Variants in ZNF169 observed in about 807,000 individuals in gnomAD.
ZNF169 encodes zinc finger protein 169.
Under a neutral mutation model 12.0 loss-of-function variants are expected in ZNF169, and 11 were observed. The ratio of observed to expected loss-of-function variants is 0.92; its 90% confidence interval spans 0.58 to 1.52. The LOEUF is 1.52. Among genes scored for constraint, ZNF169 ranks in the 40% most tolerant of loss-of-function variants. ZNF169 has a pLI of 0.00. For missense variants in ZNF169, 722 were observed against 744.0 expected (o/e 0.97, Z 0.34); for synonymous variants, 302 against 286.5 (o/e 1.05, Z -0.55).
intron 1 of ZNF169, among the ~76,000 whole-genome samples, chr9:94,272,629 A>G (rs1830443016): frequency 6.6e-6 from 1 of 152,138 alleles, no homozygotes; most frequent in Non-Finnish European, 1.5e-5. Context: ...TTCCTTTTAA[A>G]GTCTGAATAA....
intron 2 of ZNF169, chr9:94,288,218 A>G (rs1356559356): frequency 2.4e-6 from 2 of 817,274 alleles, no homozygotes; most frequent in African/African-American, 1.7e-5. Flanking sequence ...TGATTTTAGC[A>G]TTTTTTTCCC....
chr9:94,286,525 G>A (rs983449414), intron 2 of ZNF169, among the ~76,000 whole-genome samples: 1 of 151,956 alleles, frequency 6.6e-6, no homozygotes, highest in Non-Finnish European at 1.5e-5. Context: ...TCAGGGCGGT[G>A]GATTTTTGAG....
At chr9:94,283,581 T>C (rs183206648) in intron 2 of ZNF169, among the ~76,000 whole-genome samples, 1 of 152,278 alleles carries the variant, frequency 6.6e-6, no homozygotes, top group East Asian at 1.9e-4. Flanking sequence ...GAGAGTACTA[T>C]AGCATTTCAG....
intron 1 of ZNF169, among the ~76,000 whole-genome samples, chr9:94,260,840 A>C (rs1161506029): frequency 2.1e-5 from 1 of 46,666 alleles, no homozygotes; most frequent in Non-Finnish European, 5.2e-5. Context: ...TTTTTTTTTG[A>C]GATGAAGTCT....
intron 4 of ZNF169, chr9:94,294,523 A>C (rs1486542812): frequency 6.6e-6 from 1 of 152,148 alleles, no homozygotes; most frequent in African/African-American, 2.4e-5. Flanking sequence ...AAGTTATGCC[A>C]ACTTGTGTTC....
intron 1 of ZNF169, among the ~76,000 whole-genome samples, chr9:94,270,839 A>G (rs1254707644): frequency 4.2e-4 from 4 of 9,554 alleles, no homozygotes; most frequent in Non-Finnish European, 1.6e-3. Flanking sequence ...AAATATATAT[A>G]TTATATTATA....
In ZNF169 at chr9:94,299,827, A is replaced by T; in HGVS notation, c.269A>T (p.Glu90Val). ...LLDLCPEPRT[E>V]FQPSFPHLVA... ...TTCTCTCTAGCAGAGCCTAGAACAGAATTCCAGCCAAGTTTTCCCCACCTG... is the reference window on the plus strand; with the variant it reads ...TTCTCTCTAGCAGAGCCTAGAACAGTATTCCAGCCAAGTTTTCCCCACCTG... The change falls in exon 5 of 5, where the codon GAA becomes GTA. Residue 90 changes from glutamate to valine, a missense_variant. Transcript: ENST00000395395. The T allele has an allele frequency of 1.2e-6, 2 of 1,613,216 alleles. No individual in the cohort carries two copies. The highest frequency in any genetic ancestry group is 1.7e-6 in the Non-Finnish European group (2 of 1,179,548).
At chr9:94,272,164 T>A (rs1184889750) in intron 1 of ZNF169, among the ~76,000 whole-genome samples, 1 of 152,156 alleles carries the variant, frequency 6.6e-6, no homozygotes, top group Non-Finnish European at 1.5e-5. Flanking sequence ...TAACAATGTT[T>A]CCTCTTTCAT....
chr9:94,280,816 G>A (rs1393038555), intron 2 of ZNF169, among the ~76,000 whole-genome samples: 4 of 152,096 alleles, frequency 2.6e-5, no homozygotes, highest in South Asian at 2.1e-4. Context: ...GTAGTTTGAC[G>A]GAAGGGCGGT....
At chr9:94,299,549 G>A (rs1482462360) in intron 4 of ZNF169, 6 of 1,338,896 alleles carry the variant, frequency 4.5e-6, no homozygotes, top group Non-Finnish European at 5.7e-6. Flanking sequence ...CAAGGGAGCG[G>A]CGCCCAAGAA....
At chr9:94,275,781 T>C (rs949160753) in intron 1 of ZNF169, among the ~76,000 whole-genome samples, 3 of 148,970 alleles carry the variant, frequency 2.0e-5, no homozygotes, top group Non-Finnish European at 4.4e-5. Context: ...GGCTCTGCAC[T>C]ATCTGTTTTT....
intron 2 of ZNF169, chr9:94,288,074 A>G: frequency 1.3e-6 from 1 of 790,402 alleles, no homozygotes; most frequent in Non-Finnish European, 2.3e-6. Flanking sequence ...GGGACTTTGC[A>G]TTCTCAAAAT....
chr9:94,276,887 T>C (rs894245366), intron 1 of ZNF169, among the ~76,000 whole-genome samples: 2 of 152,182 alleles, frequency 1.3e-5, no homozygotes, highest in Non-Finnish European at 2.9e-5. Flanking sequence ...CAGAATATCA[T>C]GATCACACTG....
chr9:94,299,489 G>A (rs9409512), intron 4 of ZNF169: 462,472 of 1,248,484 alleles, frequency 0.37, 90,225 homozygotes, highest in East Asian at 0.57. Flanking sequence ...ACAGCAGGCC[G>A]AACAAATGTT....
At position 94,301,315 on chromosome 9, in the gene ZNF169, A is replaced by G. The variant is rs146409048; in HGVS notation, c.1757A>G (p.His586Arg). Residue 586 changes from histidine (H) to arginine (R), a missense_variant, in exon 5 of 5, where the codon CAT becomes CGT. By Grantham distance (29) the His-to-Arg change is conservative. Transcript: ENST00000395395. Reference sequence around the variant, plus strand: ...GGCTTTAGCCAGAAGTCTCACTTGCATAGACACAGGAGGACCAAGTCTGGT... The same window carrying G: ...GGCTTTAGCCAGAAGTCTCACTTGCGTAGACACAGGAGGACCAAGTCTGGT... The part of the protein sequence containing the change: ...GRGFSQKSHL[H>R]RHRRTKSGHQ... 125 of 1,614,106 alleles carry G rather than the reference A, an allele frequency of 7.7e-5. No individual in the cohort carries two copies. The highest frequency in any genetic ancestry group is 1.0e-4 in the Non-Finnish European group (122 of 1,180,038).
chr9:94,291,982 T>A (rs1443791059), intron 2 of ZNF169, among the ~76,000 whole-genome samples: 1 of 152,226 alleles, frequency 6.6e-6, no homozygotes, highest in Non-Finnish European at 1.5e-5. Context: ...ATTCTAAAAT[T>A]TGCATAGAAA....
intron 1 of ZNF169, among the ~76,000 whole-genome samples, chr9:94,262,431 G>A (rs1221327244): frequency 2.0e-5 from 3 of 152,020 alleles, no homozygotes; most frequent in African/African-American, 7.2e-5. Context: ...ACAAGAGAAG[G>A]GTCATGATTT....
At chr9:94,277,221 G>A (rs1300673400) in intron 1 of ZNF169, among the ~76,000 whole-genome samples, 1 of 152,190 alleles carries the variant, frequency 6.6e-6, no homozygotes, top group East Asian at 1.9e-4. Flanking sequence ...GAAAGGAAAT[G>A]TTCAGGTTAA....
intron 4 of ZNF169, among the ~76,000 whole-genome samples, chr9:94,297,007 A>G (rs897231005): frequency 1.3e-5 from 2 of 152,110 alleles, no homozygotes; most frequent in African/African-American, 4.8e-5. Context: ...AGATCACACT[A>G]TTGCACTCCA....
Sources: gnomAD v4.1 joint callset for allele counts (sites outside exome capture counted in the v4.1 genomes callset) on GRCh38, gnomAD v4.1.1 for gene constraint, MANE v1.5 for transcripts, NCBI Gene and HGNC (gene_info 2026-07-23, HGNC 2026-07-21) for gene names.